Variants in TTLL3 observed in about 807,000 individuals in gnomAD.
TTLL3 encodes tubulin monoglycylase TTLL3.
In TTLL3, 63 loss-of-function variants were observed where a neutral mutation model predicts 75.2. That is an observed-to-expected ratio of 0.84 (90% confidence interval 0.68 to 1.03). The LOEUF is 1.03. Ranked by LOEUF, TTLL3 falls within the 50% of genes least tolerant of loss-of-function variation. The probability of loss-of-function intolerance (pLI) is 0.00; values close to 1 mark genes in which losing one functional copy is unlikely to be tolerated. For missense variants in TTLL3, 997 were observed against 1,069.9 expected (o/e 0.93, Z 0.95); for synonymous variants, 393 against 418.5 (o/e 0.94, Z 0.74).
chr3:9,820,448 C>G, intron 7 of TTLL3, 98 bp from the exon 8 acceptor site: 2 of 1,559,744 alleles, frequency 1.3e-6, no homozygotes, highest in Admixed American at 3.7e-5. Context: ...CGTGCTGGGC[C>G]TCAGGTAAGT....
Position 9,810,381 on chromosome 3 carries a change from C to T in TTLL3, c.-55C>T. On this transcript the variant is annotated 5_prime_UTR_variant, in exon 1 of 14. Coordinates refer to ENST00000685419, the MANE Select transcript of TTLL3 (RefSeq NM_001387446.1). This position sits in a 1 kb window ranked among gnomAD's most constrained non-coding sequence, Gnocchi z 4.4. Reference sequence around the variant, plus strand: ...CCCCGCACACCCCGGTCCTCGACCCCTCTCCGCAGGATGGTGAGGCCCGTG... The same window carrying T: ...CCCCGCACACCCCGGTCCTCGACCCTTCTCCGCAGGATGGTGAGGCCCGTG... 2 of 1,412,698 alleles carry T rather than the reference C, an allele frequency of 1.4e-6. No individual in the cohort carries two copies. The highest frequency in any genetic ancestry group is 1.8e-6 in the Non-Finnish European group (2 of 1,093,354). 87.5% of individuals were successfully genotyped at this position (1,412,698 alleles called of 1,614,324 possible).
Position 9,825,941 on chromosome 3 carries a change from C to T in TTLL3, c.996C>T (p.Arg332=), listed in dbSNP as rs3732527. ...TCGTGAAGCCAGGAGCCAAGTCCCG[C>T]GGACGAGGTGGGGGTCAGCTCCTGC... ...IWIVKPGAKS[R]GRGIMCMDHL... The change falls in exon 9 of 14, where the codon CGC becomes CGT. Residue 332 remains arginine, a synonymous_variant. Coordinates refer to ENST00000685419, the MANE Select transcript of TTLL3 (RefSeq NM_001387446.1). 0.65 allele frequency: 1,041,720 copies of T among 1,612,478 alleles called. 347,055 individuals are homozygous for T. The highest frequency in any genetic ancestry group is 0.69 in the Non-Finnish European group (809,728 of 1,178,780).
intron 11 of TTLL3, among the ~76,000 whole-genome samples, chr3:9,830,472 T>G (rs1272074557): frequency 6.6e-6 from 1 of 152,320 alleles, no homozygotes; most frequent in South Asian, 2.1e-4. Context: ...CCGGTTTCTG[T>G]CAAGGTTTGG....
At chr3:9,809,843 C>T, upstream of TTLL3, 1 of 494,002 alleles carries the variant, frequency 2.0e-6, no homozygotes. Flanking sequence ...CCCGAGCGGT[C>T]TGATGGTGCC....
Position 9,835,159 on chromosome 3 carries a change from G to A in TTLL3, c.2118G>A (p.Lys706=). Residue 706 remains lysine (K), a synonymous_variant, in exon 14 of 14, where the codon AAG becomes AAA. Transcript: ENST00000685419. ...TGCCTTGTTGCCTCTGCCCTTTGAA[G>A]TCGGAACAATTCCTAGCACCTGTCG... ...LEVPCCLCPL[K]SEQFLAPVGR... is the part of the protein sequence containing the mutation. The A allele has an allele frequency of 6.2e-7, 1 of 1,614,236 alleles. No individual in the cohort carries two copies. Among genetic ancestry groups the A allele is most frequent in the South Asian group, 1.1e-5 (1 of 91,090 alleles).
chr3:9,829,651 T>C (rs1436476677), intron 11 of TTLL3, among the ~76,000 whole-genome samples: 1 of 152,194 alleles, frequency 6.6e-6, no homozygotes, highest in African/African-American at 2.4e-5. Flanking sequence ...GAGAGGCATA[T>C]AGCATAGCCA....
chr3:9,821,727 G>C (rs950758778), intron 8 of TTLL3, among the ~76,000 whole-genome samples: 1 of 152,228 alleles, frequency 6.6e-6, no homozygotes, highest in Non-Finnish European at 1.5e-5. Context: ...AGGTGGCCAA[G>C]CGTGGTGGCT....
At chr3:9,820,267 G>T (rs1261818548) in intron 7 of TTLL3, 6 of 1,222,172 alleles carry the variant, frequency 4.9e-6, no homozygotes, top group Middle Eastern at 6.6e-4. Context: ...GGTCCCAGGG[G>T]CAGAGAGGCT....
At position 9,834,976 on chromosome 3, in the gene TTLL3, G is replaced by T; in HGVS notation, c.2052+69G>T. 4 of 1,610,342 alleles carry T rather than the reference G, an allele frequency of 2.5e-6. No homozygotes were observed. The South Asian group carries it at 4.4e-5, about 18-fold the overall frequency. On this transcript the variant is annotated intron_variant, in intron 13 of 13. Coordinates refer to ENST00000685419, the MANE Select transcript of TTLL3 (RefSeq NM_001387446.1). ...CACGGGGTCAGGGCTGGAGGGCACAGGCAGAGGGCAGCTCCCAGGCTGGCT... is the reference window on the plus strand; with the variant it reads ...CACGGGGTCAGGGCTGGAGGGCACATGCAGAGGGCAGCTCCCAGGCTGGCT...
rs1473706418 is a variant in TTLL3, at chr3:9,820,760, G to A, written c.854+19G>A. 1.9e-6 allele frequency: 3 copies of A among 1,613,022 alleles called. No individual in the cohort carries two copies. The highest frequency in any genetic ancestry group is 1.7e-4 in the Middle Eastern group (1 of 5,722). ...TGGTCCAGTGAGTCCCCTGCAGCTGGGACTTTGGGCTGTGGGCAGGTGCTT... is the reference window on the plus strand; with the variant it reads ...TGGTCCAGTGAGTCCCCTGCAGCTGAGACTTTGGGCTGTGGGCAGGTGCTT... On this transcript the variant is annotated intron_variant, in intron 8 of 13. Transcript: ENST00000685419.
chr3:9,831,796 ATTT>A (rs35972221), intron 11 of TTLL3, among the ~76,000 whole-genome samples: 70 of 123,590 alleles, frequency 5.7e-4, no homozygotes, highest in African/African-American at 8.8e-4. Context: ...TTTTTATTTG[ATTT>A]TTTTTTTTTT....
At chr3:9,827,860 G>A (rs1279523114) in intron 10 of TTLL3, 2 of 152,444 alleles carry the variant, frequency 1.3e-5, no homozygotes, top group Non-Finnish European at 2.9e-5. Flanking sequence ...AGATTATTTG[G>A]GCCAGGCGCA....
At chr3:9,817,899 C>A in intron 6 of TTLL3, 140 bp downstream of exon 6, 2 of 1,108,578 alleles carry the variant, frequency 1.8e-6, no homozygotes, top group South Asian at 1.6e-5. Context: ...CACCCTCAAT[C>A]CTTATCCTTC....
Position 9,820,723 on chromosome 3 carries a change from G to A in TTLL3, c.836G>A (p.Arg279His), listed in dbSNP as rs544067802. ...GAGGGCTGGTCCCTCTTCCTCCAGCGCTACTACCAAGTGGTCCAGTGAGTC... is the reference window on the plus strand; with the variant it reads ...GAGGGCTGGTCCCTCTTCCTCCAGCACTACTACCAAGTGGTCCAGTGAGTC... The part of the protein sequence containing the change: ...TPEGWSLFLQ[R>H]YYQVVHEGAE... The change falls in exon 8 of 14, where the codon CGC becomes CAC. Residue 279 changes from arginine to histidine, a missense_variant. Physicochemically the swap from Arg to His is conservative, Grantham distance 29. Coordinates refer to ENST00000685419, the MANE Select transcript of TTLL3 (RefSeq NM_001387446.1). 11 of 1,614,048 alleles carry A rather than the reference G, an allele frequency of 6.8e-6. No homozygotes were observed. Among genetic ancestry groups the A allele is most frequent in the East Asian group, 6.7e-5 (3 of 44,872 alleles).
intron 2 of TTLL3, among the ~76,000 whole-genome samples, chr3:9,811,135 C>T (rs1309904155): frequency 6.6e-6 from 1 of 152,218 alleles, no homozygotes; most frequent in African/African-American, 2.4e-5. Flanking sequence ...TTAGTGGCCC[C>T]CTGGCCCCTT....
At chr3:9,810,003 G>T (rs1157461159), upstream of TTLL3, 6 of 1,301,726 alleles carry the variant, frequency 4.6e-6, no homozygotes, top group Non-Finnish European at 5.8e-6. The surrounding 1 kb of genome is among the most constrained non-coding windows in gnomAD (Gnocchi z 4.4). Context: ...GCGGCGAGGG[G>T]CGCATGCAGG....
At chr3:9,811,002 T>A (rs2079301035) in intron 2 of TTLL3, among the ~76,000 whole-genome samples, 1 of 151,920 alleles carries the variant, frequency 6.6e-6, no homozygotes, top group Non-Finnish European at 1.5e-5. Context: ...TTGGGCACCC[T>A]GTATCTTTCG....
chr3:9,811,728 T>C (rs1228704079), intron 2 of TTLL3, among the ~76,000 whole-genome samples: 1 of 152,234 alleles, frequency 6.6e-6, no homozygotes, highest in African/African-American at 2.4e-5. Flanking sequence ...GGCCACTGCC[T>C]ACCTCCTCTG....
chr3:9,823,641 A>G (rs1052591681), intron 8 of TTLL3, among the ~76,000 whole-genome samples: 2 of 152,158 alleles, frequency 1.3e-5, no homozygotes, highest in African/African-American at 4.8e-5. Context: ...TTGTCAGGAC[A>G]TAGGTGTGAG....
Sources: allele counts gnomAD v4.1 joint callset (sites outside exome capture counted in the v4.1 genomes callset), GRCh38; gene constraint gnomAD v4.1.1; non-coding constraint Gnocchi (gnomAD v3.1); transcripts MANE v1.5; gene names NCBI Gene and HGNC (gene_info 2026-07-23, HGNC 2026-07-21).